The following RP1 variants were observed in gnomAD, a reference collection of about 807,000 sequenced individuals.
RP1 encodes oxygen-regulated protein 1.
Under a neutral mutation model 14.8 loss-of-function variants are expected in RP1, and 16 were observed. The ratio of observed to expected loss-of-function variants is 1.08; its 90% CI spans 0.73 to 1.65. The LOEUF is 1.65. Ranked by LOEUF, RP1 falls within the 40% of genes most tolerant of loss-of-function variation. RP1 has a pLI of 0.00. For synonymous variants in RP1, 876 were observed against 883.6 expected (o/e 0.99, Z 0.15); for missense variants, 2,631 against 2,535.0 (o/e 1.04, Z -0.81).
intron 19 of RP1, among the ~76,000 whole-genome samples, chr8:54,750,424 G>A (rs573984827): frequency 2.6e-5 from 4 of 152,232 alleles, no homozygotes; most frequent in South Asian, 4.2e-4. Flanking sequence ...CACAAAAACC[G>A]CCCTCTTACT....
intron 18 of RP1, among the ~76,000 whole-genome samples, chr8:54,737,501 C>T (rs1808962473): frequency 6.6e-6 from 1 of 152,170 alleles, no homozygotes; most frequent in Non-Finnish European, 1.5e-5. Flanking sequence ...TAGAGACAAA[C>T]TAGCCTCAAA....
intron 16 of RP1, among the ~76,000 whole-genome samples, chr8:54,722,963 G>A (rs891224529): frequency 6.6e-6 from 1 of 152,176 alleles, no homozygotes; most frequent in Admixed American, 6.5e-5. Flanking sequence ...CTCATTGACA[G>A]GTTCCACCCA....
chr8:54,789,469 T>C (rs1313981007), intron 24 of RP1, among the ~76,000 whole-genome samples: 1 of 152,082 alleles, frequency 6.6e-6, no homozygotes, highest in Non-Finnish European at 1.5e-5. Context: ...GAACCCAGCC[T>C]GTGATTCCAC....
chr8:54,727,597 T>G (rs1808688745), intron 17 of RP1, among the ~76,000 whole-genome samples: 2 of 152,132 alleles, frequency 1.3e-5, no homozygotes, highest in East Asian at 3.8e-4. Flanking sequence ...TTTTTTTTAC[T>G]GAGGCTGGCC....
intron 15 of RP1, among the ~76,000 whole-genome samples, chr8:54,709,993 G>T (rs916544962): frequency 1.3e-5 from 2 of 152,138 alleles, no homozygotes; most frequent in African/African-American, 4.8e-5. Flanking sequence ...ATGAGGTATT[G>T]GCTGGCCATG....
At chr8:54,760,199 T>C (rs1395901796) in intron 22 of RP1, among the ~76,000 whole-genome samples, 2 of 152,192 alleles carry the variant, frequency 1.3e-5, no homozygotes, top group Non-Finnish European at 2.9e-5. Context: ...TTAAATTCAG[T>C]CAATTCCTTG....
rs577257180 is a variant in RP1, at chr8:54,598,409, C to T, written c.-12-22546C>T. Among the ~76,000 whole-genome samples, 9 of 152,062 alleles carry T rather than the reference C, an allele frequency of 5.9e-5. No homozygotes were observed. In the South Asian group the frequency reaches 1.9e-3, roughly 32 times the overall value. ...AGTGTAGCCCTTTAATTCTCTTTACCCTCCCTCATTTATAATTGTTTTAAT... is the reference window on the plus strand; with the variant it reads ...AGTGTAGCCCTTTAATTCTCTTTACTCTCCCTCATTTATAATTGTTTTAAT... On this transcript the variant is annotated intron_variant, in intron 1 of 22. Transcript: ENST00000636932.
In RP1 at chr8:54,617,251, G is replaced by A. The variant is rs181186932; in HGVS notation, c.-13+1049G>A. Among the ~76,000 whole-genome samples, 40 of 152,278 alleles carry A rather than the reference G, an allele frequency of 2.6e-4. 1 individual carries two copies. In the South Asian group the frequency reaches 4.6e-3, roughly 17 times the overall value. On this transcript the variant is annotated intron_variant, in intron 1 of 3. Transcript: ENST00000220676. Reference sequence around the variant, plus strand: ...CCACTTCTTCAGCCTAAACTTCTGGGAGAATTCAACCATTTTATGCTGCTC... The same window carrying A: ...CCACTTCTTCAGCCTAAACTTCTGGAAGAATTCAACCATTTTATGCTGCTC...
chr8:54,740,339 A>G (rs150016053), intron 19 of RP1, among the ~76,000 whole-genome samples: 190 of 148,060 alleles, frequency 1.3e-3, no homozygotes, highest in African/African-American at 4.5e-3. Flanking sequence ...TGAACCTGAC[A>G]TTGTGCAGGC....
At chr8:54,681,950 G>A (rs1000590164) in intron 12 of RP1, among the ~76,000 whole-genome samples, 1 of 152,088 alleles carries the variant, frequency 6.6e-6, no homozygotes, top group Non-Finnish European at 1.5e-5. Flanking sequence ...TCATTGATGG[G>A]CATTTGGGTT....
At position 54,734,807 on chromosome 8, in the gene RP1, A is replaced by AGTGTGT. The variant is rs112017805; in HGVS notation, c.2721+82_2721+87dup. 1,391 of 1,201,246 alleles carry AGTGTGT rather than the reference A, an allele frequency of 1.2e-3. 9 individuals carry two copies. The African/African-American group carries it at 0.017, about 14-fold the overall frequency. The allele number at this position is 1,201,246 out of a possible 1,614,324, so 74.4% of individuals were successfully genotyped here. A position where few individuals can be genotyped will look rare whatever the true frequency, so the allele number is the denominator to read the frequency against. On this transcript the variant is annotated intron_variant, in intron 18 of 22. Transcript: ENST00000636932. Reference sequence around the variant, plus strand: ...TTCAAAGACATTTCTGTAATGTAGAAGTGTGTGTGTGTGTGTGTGTGTGTC... The same window carrying AGTGTGT: ...TTCAAAGACATTTCTGTAATGTAGAAGTGTGTGTGTGTGTGTGTGTGTGTGTGTGTC...
chr8:54,740,403 TAAAAAAAAA>T (rs34753388), intron 19 of RP1, among the ~76,000 whole-genome samples: 2 of 80,244 alleles, frequency 2.5e-5, no homozygotes, highest in Non-Finnish European at 4.9e-5. Context: ...GCTTAAAAAG[TAAAAAAAAA>T]AAAAAAAAAA....
chr8:54,686,739 T>C (rs1807571766), intron 12 of RP1, among the ~76,000 whole-genome samples: 1 of 152,180 alleles, frequency 6.6e-6, no homozygotes, highest in Non-Finnish European at 1.5e-5. Flanking sequence ...CCTTGATGGC[T>C]ACTTTTATGT....
In RP1 at chr8:54,720,037, AG is replaced by A. The variant is rs1808497319; in HGVS notation, c.2212-91del. 8 of 1,070,244 alleles carry A rather than the reference AG, an allele frequency of 7.5e-6. No homozygotes were observed. In the East Asian group the frequency reaches 2.1e-4, roughly 28 times the overall value. 66.3% of individuals were successfully genotyped at this position (1,070,244 alleles called of 1,614,324 possible). A position where few individuals can be genotyped will look rare whatever the true frequency, so the allele number is the denominator to read the frequency against. The stretch of plus-strand genomic sequence containing the variant: ...AGATTTATCATAGTGATTCGAAACG[AG>A]ACAAAATTATATTCTTTTAAAACGA... On this transcript the variant is annotated intron_variant, in intron 15 of 22. Transcript: ENST00000636932.
intron 12 of RP1, among the ~76,000 whole-genome samples, chr8:54,689,209 T>G (rs1031402174): frequency 6.6e-6 from 1 of 152,180 alleles, no homozygotes; most frequent in African/African-American, 2.4e-5. Flanking sequence ...AAGGAGATTT[T>G]GGGCTGAGAT....
At chr8:54,780,828 G>A (rs1467689592) in intron 23 of RP1, 1 of 643,010 alleles carries the variant, frequency 1.6e-6, no homozygotes, top group Non-Finnish European at 1.9e-6. Context: ...AGATACTGAG[G>A]AACAACTGTA....
rs754762850 is a variant in RP1, at chr8:54,628,414, G to A, written c.4532G>A (p.Ser1511Asn). 1.9e-6 allele frequency: 3 copies of A among 1,613,352 alleles called. No individual in the cohort carries two copies. Among genetic ancestry groups the A allele is most frequent in the Admixed American group, 1.7e-5 (1 of 59,996 alleles). The change falls in exon 4 of 4, where the codon AGT becomes AAT. Residue 1511 changes from serine to asparagine, a missense_variant. Physicochemically the swap from Ser to Asn is conservative, Grantham distance 46. Transcript: ENST00000220676. ...ACTTTAGAATTGATAGACATCTCTA[G>A]TAAGAATATTATGGAAGAAAAAAGA... ...SKTLELIDIS[S>N]KNIMEEKRMN...
intron 1 of RP1, among the ~76,000 whole-genome samples, chr8:54,585,095 T>G (rs902728879): frequency 6.6e-6 from 1 of 152,346 alleles, no homozygotes; most frequent in Admixed American, 6.5e-5. Context: ...CTTCCTAGCC[T>G]TGATGGTCTT....
intron 19 of RP1, among the ~76,000 whole-genome samples, chr8:54,744,178 G>GA: frequency 6.6e-6 from 1 of 152,152 alleles, no homozygotes. Flanking sequence ...TTTGATTTAG[G>GA]AAAAAGATAT....
Sources: allele counts gnomAD v4.1 joint callset (sites outside exome capture counted in the v4.1 genomes callset), GRCh38; gene constraint gnomAD v4.1.1; transcripts MANE v1.5; gene names NCBI Gene and HGNC (gene_info 2026-07-23, HGNC 2026-07-21).